SYCP2: variants seen among roughly 807,000 people sequenced by gnomAD.
The protein encoded by SYCP2 is synaptonemal complex lateral element protein.
SYCP2 carries 55 observed loss-of-function variants against 211.3 expected under a neutral mutation model. That is an observed-to-expected ratio of 0.26 (90% CI 0.21 to 0.33). SYCP2 has a LOEUF of 0.33. Ranked by LOEUF, SYCP2 falls within the 10% of genes least tolerant of loss-of-function variation. The pLI is 1.00. For synonymous variants in SYCP2, 570 were observed against 555.2 expected (o/e 1.03, Z -0.37); for missense variants, 1,731 against 1,752.0 (o/e 0.99, Z 0.21).
At chr20:59,900,510 GCTT>G (rs2060095415) in intron 17 of SYCP2, among the ~76,000 whole-genome samples, 1 of 151,966 alleles carries the variant, frequency 6.6e-6, no homozygotes, top group Non-Finnish European at 1.5e-5. Flanking sequence ...GACATTTACT[GCTT>G]TTTTAAAGTT....
chr20:59,879,818 AATAAATATATATATATATATATAT>A (rs1231114527), intron 31 of SYCP2, among the ~76,000 whole-genome samples: 2,737 of 125,650 alleles, frequency 0.022, 108 homozygotes, highest in African/African-American at 0.071. Flanking sequence ...AGTAAATATA[AATAAATATATATATATATATATAT>A]ATATATATAT....
intron 3 of SYCP2, 122 bp downstream of exon 3, chr20:59,922,268 T>C: frequency 1.2e-6 from 1 of 852,230 alleles, no homozygotes; most frequent in Non-Finnish European, 1.8e-6. Context: ...AAACTATTCT[T>C]GACCATTTCA....
chr20:59,899,509 A>C (rs1345249593), intron 18 of SYCP2, among the ~76,000 whole-genome samples: 15 of 152,206 alleles, frequency 9.9e-5, no homozygotes, highest in Admixed American at 9.8e-4. Flanking sequence ...AAGATGTTCC[A>C]AAAGCTGGAT....
At chr20:59,904,567 C>T (rs1288379803) in intron 15 of SYCP2, among the ~76,000 whole-genome samples, 1 of 152,164 alleles carries the variant, frequency 6.6e-6, no homozygotes, top group Non-Finnish European at 1.5e-5. Flanking sequence ...GAAGGATTAT[C>T]TGGAGCATCT....
At chr20:59,892,463 T>G in intron 23 of SYCP2, 37 bp from the exon 24 acceptor site, 1 of 1,462,386 alleles carries the variant, frequency 6.8e-7, no homozygotes, top group Non-Finnish European at 9.2e-7. Context: ...CTTTTTAAAT[T>G]AATAAGTTGA....
intron 18 of SYCP2, among the ~76,000 whole-genome samples, chr20:59,897,662 C>A (rs558030707): frequency 2.6e-5 from 4 of 151,688 alleles, no homozygotes; most frequent in African/African-American, 7.3e-5. Context: ...TAATTGAGAA[C>A]AAAAGACTAA....
intron 23 of SYCP2, 22 bp from the exon 24 acceptor site, chr20:59,892,448 T>C (rs1197931821): frequency 1.4e-6 from 2 of 1,459,888 alleles, no homozygotes; most frequent in African/African-American, 2.9e-5. Flanking sequence ...AATGAGAAAT[T>C]AATTCTTTTT....
At chr20:59,928,001 C>A (rs2060665901) in intron 2 of SYCP2, among the ~76,000 whole-genome samples, 1 of 152,142 alleles carries the variant, frequency 6.6e-6, no homozygotes, top group Admixed American at 6.5e-5. Flanking sequence ...AGGTCTAACT[C>A]AATTACCTTG....
At position 59,866,631 on chromosome 20, in the gene SYCP2, TAACACTCTAACC is replaced by T. The variant is rs752600456; in HGVS notation, c.4126-54_4126-43del. 7 of 1,337,730 alleles carry T rather than the reference TAACACTCTAACC, an allele frequency of 5.2e-6. No homozygotes were observed. In the East Asian group the frequency reaches 9.4e-5, roughly 18 times the overall value. 82.9% of individuals were successfully genotyped at this position (1,337,730 alleles called of 1,614,324 possible). The stretch of plus-strand genomic sequence containing the variant: ...TTTAAGTTAAAATATCTTTACAAAA[TAACACTCTAACC>T]AAGACTACAGTAACAGCAAATAATT... On this transcript the variant is annotated intron_variant, in intron 39 of 44. Coordinates refer to ENST00000357552, the MANE Select transcript of SYCP2 (RefSeq NM_014258.4).
At chr20:59,892,845 T>C (rs2059933619) in intron 22 of SYCP2, 144 bp from the exon 23 acceptor site, 1 of 687,954 alleles carries the variant, frequency 1.5e-6, no homozygotes, top group South Asian at 2.6e-5. Flanking sequence ...ACAGTTCTAC[T>C]GTATATTTAT....
chr20:59,930,062 G>C (rs564028494), intron 2 of SYCP2, among the ~76,000 whole-genome samples: 16 of 152,038 alleles, frequency 1.1e-4, no homozygotes, highest in African/African-American at 2.7e-4. Flanking sequence ...TCTTATTACT[G>C]AGCACACAGG....
At position 59,919,607 on chromosome 20, in the gene SYCP2, G is replaced by C. The variant is rs955547008; in HGVS notation, c.298-10C>G. 1 of 1,532,172 alleles carries C rather than the reference G, an allele frequency of 6.5e-7. No individual in the cohort carries two copies. Among genetic ancestry groups the C allele is most frequent in the African/African-American group, 1.4e-5 (1 of 72,370 alleles). The allele number at this position is 1,532,172 out of a possible 1,614,324, so 94.9% of individuals were successfully genotyped here. On this transcript the variant is annotated splice_polypyrimidine_tract_variant and intron_variant, in intron 5 of 44. Transcript: ENST00000357552. The stretch of plus-strand genomic sequence containing the variant: ...CAAACCAGGCAACCATGTAAAAAAA[G>C]GAATGAACTTATTAGAGTTCCATTT...
intron 24 of SYCP2, among the ~76,000 whole-genome samples, chr20:59,891,309 A>C (rs913383772): frequency 3.9e-5 from 6 of 152,038 alleles, no homozygotes; most frequent in African/African-American, 1.4e-4. Flanking sequence ...GCATTTTGAT[A>C]GTTAAGAAAA....
In SYCP2 at chr20:59,873,976, T is replaced by A; in HGVS notation, c.3435A>T (p.Ser1145=). 1 of 1,613,248 alleles carries A rather than the reference T, an allele frequency of 6.2e-7. No homozygotes were observed. Residue 1145 remains serine (S), a synonymous_variant, in exon 35 of 45, where the codon TCA becomes TCT. Coordinates refer to ENST00000357552, the MANE Select transcript of SYCP2 (RefSeq NM_014258.4). ...KSISPYPKTS[S]LESLNSNSGV... Reference sequence around the variant, plus strand: ...CACTGTTACTATTTAAGGATTCAAGTGATGAAGTTTTTGGATAAGGTGATA... The same window carrying A: ...CACTGTTACTATTTAAGGATTCAAGAGATGAAGTTTTTGGATAAGGTGATA...
chr20:59,870,433 T>A (rs949330962), intron 35 of SYCP2, among the ~76,000 whole-genome samples: 1 of 151,748 alleles, frequency 6.6e-6, no homozygotes, highest in Non-Finnish European at 1.5e-5. Flanking sequence ...ATGTAATTTT[T>A]AAAAAAAGTC....
chr20:59,889,605 T>G (rs1378728834), intron 24 of SYCP2, among the ~76,000 whole-genome samples: 1 of 152,026 alleles, frequency 6.6e-6, no homozygotes, highest in African/African-American at 2.4e-5. Context: ...TTAACCATTT[T>G]TAAGTCCATA....
intron 29 of SYCP2, among the ~76,000 whole-genome samples, 185 bp from the exon 30 acceptor site, chr20:59,881,208 C>A (rs2059672610): frequency 6.6e-6 from 1 of 151,652 alleles, no homozygotes; most frequent in Non-Finnish European, 1.5e-5. Context: ...GATTAAAGAA[C>A]TACTAAGTCT....
At chr20:59,872,841 C>G (rs886907778) in intron 35 of SYCP2, among the ~76,000 whole-genome samples, 2 of 151,948 alleles carry the variant, frequency 1.3e-5, no homozygotes, top group Middle Eastern at 3.2e-3. Flanking sequence ...AAGTCTATGG[C>G]CTTTAATAAA....
At chr20:59,876,729 T>C (rs1253667308) in intron 33 of SYCP2, among the ~76,000 whole-genome samples, 2 of 152,100 alleles carry the variant, frequency 1.3e-5, no homozygotes, top group African/African-American at 4.8e-5. Context: ...GTGCTTAATA[T>C]AGCAGTTGAC....
Sources: gnomAD v4.1 joint callset for allele counts (sites outside exome capture counted in the v4.1 genomes callset) on GRCh38, gnomAD v4.1.1 for gene constraint, MANE v1.5 for transcripts, NCBI Gene and HGNC (gene_info 2026-07-23, HGNC 2026-07-21) for gene names.